The following LIMCH1 variants were observed in gnomAD, a reference collection of about 807,000 sequenced individuals.
LIMCH1 encodes LIM and calponin homology domains 1, also known as LIM and calponin homology domains-containing protein 1.
LIMCH1 carries 113 observed loss-of-function variants against 176.5 expected under a neutral mutation model. The observed-to-expected ratio is 0.64, with a 90% CI of 0.55 to 0.75. LIMCH1 has a LOEUF of 0.75. Ranked by LOEUF, LIMCH1 falls within the 30% of genes least tolerant of loss-of-function variation. The pLI is 0.00. For synonymous variants in LIMCH1, 619 were observed against 645.9 expected (o/e 0.96, Z 0.63); for missense variants, 1,674 against 1,814.9 (o/e 0.92, Z 1.41).
At chr4:41,418,461 G>A (rs1296026392) in intron 1 of LIMCH1, among the ~76,000 whole-genome samples, 3 of 152,178 alleles carry the variant, frequency 2.0e-5, no homozygotes, top group Non-Finnish European at 4.4e-5. Context: ...CCAGGTTTGC[G>A]TTGGGAGTCC....
chr4:41,458,017 G>A (rs2064824891), intron 1 of LIMCH1, among the ~76,000 whole-genome samples: 3 of 152,128 alleles, frequency 2.0e-5, no homozygotes, highest in African/African-American at 7.2e-5. Flanking sequence ...TTGATAAGAT[G>A]ACTAAAACAG....
chr4:41,575,203 A>AT lies in LIMCH1; in HGVS notation c.-240-23710dup, dbSNP rs557354032. On this transcript the variant is annotated intron_variant, in intron 1 of 31. Transcript: ENST00000503057. ...AGTATGAAGACACTGACCAGATAGC[A>AT]TTTTTTTAAAAGCATCGCTGATTTT... Among the ~76,000 whole-genome samples the AT allele has an allele frequency of 6.4e-3, 973 of 152,312 alleles. 3 individuals are homozygous for AT. Among genetic ancestry groups the AT allele is most frequent in the Non-Finnish European group, 0.011 (736 of 68,012 alleles).
At chr4:41,524,043 T>G (rs2076375437) in intron 2 of LIMCH1, among the ~76,000 whole-genome samples, 2 of 152,218 alleles carry the variant, frequency 1.3e-5, no homozygotes, top group South Asian at 4.1e-4. Context: ...ATCCATGTCT[T>G]AGCCAGGAAA....
chr4:41,550,265 T>C (rs893096482), intron 1 of LIMCH1, among the ~76,000 whole-genome samples: 1 of 151,516 alleles, frequency 6.6e-6, no homozygotes, highest in African/African-American at 2.4e-5. Flanking sequence ...TTCCTATTGA[T>C]TCAGTCAACA....
At chr4:41,672,067 G>C (rs1585690628) in intron 22 of LIMCH1, among the ~76,000 whole-genome samples, 1 of 152,140 alleles carries the variant, frequency 6.6e-6, no homozygotes, top group East Asian at 1.9e-4. Context: ...AATCTAAGAG[G>C]CAATTAAAAT....
rs200386915 is a variant in LIMCH1, at chr4:41,620,635, A to T, written c.670A>T (p.Lys224Ter). ...EKDAAEIQKRKRLEQAGIKVM... is the reference protein window; with the variant it reads ...EKDAAEIQKR ...AGATGCTGCTGAGATCCAAAAGCGCAAAAGGCTAGAGCAAGCTGGAATCAA... is the reference window on the plus strand; with the variant it reads ...AGATGCTGCTGAGATCCAAAAGCGCTAAAGGCTAGAGCAAGCTGGAATCAA... The change falls in exon 7 of 32, where the codon AAA (lysine) becomes TAA (stop). Residue 224 changes from lysine (K) to a stop codon, truncating the protein, a stop_gained. Coordinates refer to ENST00000503057, the MANE Select transcript of LIMCH1 (RefSeq NM_001330672.2). LOFTEE classifies it high-confidence loss of function. 31 of 1,536,088 alleles carry T rather than the reference A, an allele frequency of 2.0e-5. No individual in the cohort carries two copies. Among genetic ancestry groups the T allele is most frequent in the Non-Finnish European group, 2.7e-5 (31 of 1,146,936 alleles).
chr4:41,644,797 A>G (rs899187203), intron 15 of LIMCH1, among the ~76,000 whole-genome samples, 171 bp downstream of exon 15: 7 of 152,164 alleles, frequency 4.6e-5, no homozygotes. Flanking sequence ...AGCAGCGTGA[A>G]GGTATGGAGT....
intron 1 of LIMCH1, among the ~76,000 whole-genome samples, chr4:41,469,962 G>A (rs544546198): frequency 9.9e-5 from 15 of 152,270 alleles, no homozygotes; most frequent in South Asian, 2.1e-4. Context: ...TTACAGGTGT[G>A]AGCCACCATG....
Position 41,399,750 on chromosome 4 carries a change from C to T in LIMCH1, c.96+38814C>T, listed in dbSNP as rs937276616. 1.1e-4 allele frequency among the ~76,000 whole-genome samples: 14 copies of T among 128,206 alleles called. 1 individual carries two copies. Among genetic ancestry groups the T allele is most frequent in the African/African-American group, 3.7e-4 (12 of 32,398 alleles). The allele number at this position is 128,206 out of a possible 152,430, so 84.1% of individuals were successfully genotyped here. A position where few individuals can be genotyped will look rare whatever the true frequency, so the allele number is the denominator to read the frequency against. Reference sequence around the variant, plus strand: ...AGGCTGGAGCGCAGTAGCGGGATCTCGGTGTACCTCAACCTCTGCCTCCTG... The same window carrying T: ...AGGCTGGAGCGCAGTAGCGGGATCTTGGTGTACCTCAACCTCTGCCTCCTG... On this transcript the variant is annotated intron_variant, in intron 1 of 26. Transcript: ENST00000313860.
intron 21 of LIMCH1, among the ~76,000 whole-genome samples, chr4:41,667,884 T>C (rs112701135): frequency 0.12 from 17,729 of 151,270 alleles, 1,361 homozygotes; most frequent in Middle Eastern, 0.26. Flanking sequence ...GTAATCCCAA[T>C]ACTTTGGGAG....
intron 17 of LIMCH1, among the ~76,000 whole-genome samples, chr4:41,648,693 G>GTGTGTA (rs2094165360): frequency 6.7e-6 from 1 of 149,378 alleles, no homozygotes; most frequent in Admixed American, 6.6e-5. Flanking sequence ...GTGTGTGTGT[G>GTGTGTA]TGTGTGTCTT....
intron 20 of LIMCH1, among the ~76,000 whole-genome samples, chr4:41,665,478 G>A (rs2094790943): frequency 6.6e-6 from 1 of 152,148 alleles, no homozygotes; most frequent in African/African-American, 2.4e-5. Flanking sequence ...TTCTCTTAGA[G>A]TTGAATATAT....
chr4:41,531,513 CACATACACA>C (rs2077303263), intron 3 of LIMCH1, among the ~76,000 whole-genome samples: 2 of 104,032 alleles, frequency 1.9e-5, no homozygotes, highest in East Asian at 5.2e-4. Context: ...CACACACACA[CACATACACA>C]CCTTATACTT....
intron 17 of LIMCH1, among the ~76,000 whole-genome samples, chr4:41,649,807 G>T (rs1254887058): frequency 6.6e-6 from 1 of 152,186 alleles, no homozygotes; most frequent in Non-Finnish European, 1.5e-5. Context: ...ATTTTAATGT[G>T]CATGGTCTTT....
intron 7 of LIMCH1, among the ~76,000 whole-genome samples, chr4:41,626,077 T>C (rs2092930872): frequency 6.6e-6 from 1 of 151,032 alleles, no homozygotes. Flanking sequence ...GAAGAAAGAG[T>C]TGCTGATGGA....
intron 18 of LIMCH1, among the ~76,000 whole-genome samples, chr4:41,653,108 A>G (rs145296009): frequency 7.2e-5 from 11 of 152,294 alleles, no homozygotes; most frequent in South Asian, 6.2e-4. Flanking sequence ...CTGTCAGACT[A>G]TAAGCTAAGT....
rs535535622 is a variant in LIMCH1 at position 41,409,903 on chromosome 4, T to C, written c.96+48967T>C. Among the ~76,000 whole-genome samples, 12 of 152,350 alleles carry C rather than the reference T, an allele frequency of 7.9e-5. No individual in the cohort carries two copies. The East Asian group carries it at 2.3e-3, about 29-fold the overall frequency. On this transcript the variant is annotated intron_variant, in intron 1 of 26. Transcript: ENST00000313860. ...ACTTAATTCACTCTTCCCTGGTTCTTTTTATCAAAACGTTTTCTTCCTTAT... is the reference window on the plus strand; with the variant it reads ...ACTTAATTCACTCTTCCCTGGTTCTCTTTATCAAAACGTTTTCTTCCTTAT...
At chr4:41,414,971 A>T (rs1253437837) in intron 1 of LIMCH1, among the ~76,000 whole-genome samples, 1 of 151,960 alleles carries the variant, frequency 6.6e-6, no homozygotes, top group Non-Finnish European at 1.5e-5. Context: ...TTAGATGTTT[A>T]ATCTCTCTTA....
At chr4:41,598,536 AAAG>A (rs575337030) in intron 1 of LIMCH1, among the ~76,000 whole-genome samples, 31 of 152,230 alleles carry the variant, frequency 2.0e-4, no homozygotes, top group Middle Eastern at 3.4e-3. Context: ...TTTAAAAAAA[AAAG>A]AAAGAAAAGA....
Sources: allele counts gnomAD v4.1 joint callset (sites outside exome capture counted in the v4.1 genomes callset), GRCh38; gene constraint gnomAD v4.1.1; transcripts MANE v1.5; gene names NCBI Gene and HGNC (gene_info 2026-07-23, HGNC 2026-07-21).